The following CDH13 variants were observed in gnomAD, a reference collection of about 807,000 sequenced individuals.
CDH13 encodes cadherin-13.
Under a neutral mutation model 63.8 loss-of-function variants are expected in CDH13, and 24 were observed. The observed-to-expected ratio is 0.38, with a 90% confidence interval of 0.27 to 0.53. The LOEUF (loss-of-function observed/expected upper bound fraction) is 0.53, where lower values mean the gene tolerates loss of function less well. Ranked by LOEUF, CDH13 falls within the 20% of genes least tolerant of loss-of-function variation. The pLI is 0.85. For missense variants in CDH13, 1,049 were observed against 903.1 expected, an observed-to-expected ratio of 1.16 and a Z score of -2.07; for synonymous variants, 503 against 355.3, an observed-to-expected ratio of 1.42 and a Z score of -4.67.
At chr16:82,863,035 T>C (rs909021792) in intron 2 of CDH13, among the ~76,000 whole-genome samples, 1 of 152,224 alleles carries the variant, frequency 6.6e-6, no homozygotes, top group Admixed American at 6.5e-5. Context: ...GATCTAATCA[T>C]GTCGCCAACC....
At chr16:83,242,005 T>A (rs915751025) in intron 5 of CDH13, among the ~76,000 whole-genome samples, 1 of 152,184 alleles carries the variant, frequency 6.6e-6, no homozygotes, top group African/African-American at 2.4e-5. Flanking sequence ...TTTGAGCTGA[T>A]TTTTGTATAC....
At chr16:83,735,882 C>G (rs1188947011) in intron 10 of CDH13, 1 of 152,116 alleles carries the variant, frequency 6.6e-6, no homozygotes, top group Non-Finnish European at 1.5e-5. Flanking sequence ...GATGAGCAGT[C>G]CTTGTGGGTC....
chr16:83,590,259 TG>T (rs1465356231), intron 7 of CDH13, among the ~76,000 whole-genome samples: 3 of 152,164 alleles, frequency 2.0e-5, no homozygotes, highest in Admixed American at 6.5e-5. Flanking sequence ...ACCTGGAAGC[TG>T]TTGCATAAGT....
chr16:83,356,895 T>C (rs2091067791), intron 6 of CDH13, among the ~76,000 whole-genome samples: 1 of 152,244 alleles, frequency 6.6e-6, no homozygotes, highest in South Asian at 2.1e-4. Flanking sequence ...AGCTATTTTA[T>C]TATTCAGAAG....
At position 83,650,044 on chromosome 16, in the gene CDH13, T is replaced by A. The variant is rs75511588; in HGVS notation, c.1102-20746T>A. Among the ~76,000 whole-genome samples, 4 of 152,330 alleles carry A rather than the reference T, an allele frequency of 2.6e-5. No homozygotes were observed. The East Asian group carries it at 7.7e-4, about 29-fold the overall frequency. On this transcript the variant is annotated intron_variant, in intron 8 of 13. Transcript: ENST00000567109. ...GGTGTTTTAATTTTCTGAGGCCCAT[T>A]GAGACAGCCCCAAGGGTGACACAGC...
chr16:83,715,108 C>T (rs532891731), intron 10 of CDH13, among the ~76,000 whole-genome samples: 7 of 152,158 alleles, frequency 4.6e-5, no homozygotes, highest in Admixed American at 1.3e-4. Context: ...TGCCTTTGCT[C>T]ATAAATACCC....
intron 6 of CDH13, among the ~76,000 whole-genome samples, chr16:83,390,426 G>C (rs2151428380): frequency 6.6e-6 from 1 of 151,476 alleles, no homozygotes; most frequent in East Asian, 1.9e-4. Flanking sequence ...AACCTTATTG[G>C]ACACAGTATC....
intron 2 of CDH13, among the ~76,000 whole-genome samples, chr16:82,983,962 G>T (rs896528653): frequency 1.3e-5 from 2 of 152,182 alleles, no homozygotes; most frequent in Admixed American, 1.3e-4. Flanking sequence ...GGTAGCTGGA[G>T]GCATATCTGC....
intron 2 of CDH13, among the ~76,000 whole-genome samples, chr16:82,947,876 A>T (rs1307295769): frequency 6.6e-6 from 1 of 152,206 alleles, no homozygotes; most frequent in Non-Finnish European, 1.5e-5. Context: ...TGTCACAGGG[A>T]GTAATGAATT....
intron 1 of CDH13, among the ~76,000 whole-genome samples, chr16:82,691,979 C>G (rs940755825): frequency 5.3e-5 from 8 of 152,160 alleles, no homozygotes; most frequent in African/African-American, 1.4e-4. Flanking sequence ...TTAGGAAACA[C>G]TCATGTAAAG....
At chr16:83,560,086 C>G (rs1389199346) in intron 7 of CDH13, among the ~76,000 whole-genome samples, 1 of 152,090 alleles carries the variant, frequency 6.6e-6, no homozygotes, top group Non-Finnish European at 1.5e-5. Context: ...CCAGTGTCTC[C>G]TTAATTCTTT....
intron 1 of CDH13, among the ~76,000 whole-genome samples, chr16:82,780,953 G>A (rs898170308): frequency 6.6e-6 from 1 of 152,248 alleles, no homozygotes; most frequent in Non-Finnish European, 1.5e-5. Flanking sequence ...GGAAATCACT[G>A]TGACTTTGAA....
intron 3 of CDH13, among the ~76,000 whole-genome samples, chr16:83,064,732 T>C (rs1361270749): frequency 6.6e-6 from 1 of 152,172 alleles, no homozygotes; most frequent in Non-Finnish European, 1.5e-5. Flanking sequence ...TTATTTTTGA[T>C]TGGCAAGTCA....
intron 11 of CDH13, among the ~76,000 whole-genome samples, chr16:83,768,612 C>T (rs999925924): frequency 2.6e-5 from 4 of 152,170 alleles, no homozygotes; most frequent in South Asian, 4.1e-4. Context: ...GCTACGACAT[C>T]GAGCAGCCCC....
At chr16:82,897,976 T>A (rs1271744829) in intron 2 of CDH13, among the ~76,000 whole-genome samples, 1 of 152,220 alleles carries the variant, frequency 6.6e-6, no homozygotes, top group Non-Finnish European at 1.5e-5. Flanking sequence ...CACCGTCCAA[T>A]ACAGTAAGCC....
chr16:83,609,632 A>G (rs552906354), intron 8 of CDH13, among the ~76,000 whole-genome samples: 2 of 152,218 alleles, frequency 1.3e-5, no homozygotes, highest in Non-Finnish European at 2.9e-5. Flanking sequence ...TTGAGGCAGA[A>G]TGATGTCAGG....
At chr16:82,704,708 T>C (rs929833990) in intron 1 of CDH13, among the ~76,000 whole-genome samples, 2 of 152,182 alleles carry the variant, frequency 1.3e-5, no homozygotes, top group African/African-American at 4.8e-5. Flanking sequence ...GCTAAGGATA[T>C]GCCGTCAAAT....
At chr16:82,663,385 A>C (rs1360782434) in intron 1 of CDH13, among the ~76,000 whole-genome samples, 1 of 151,952 alleles carries the variant, frequency 6.6e-6, no homozygotes, top group African/African-American at 2.4e-5. Context: ...GGGTTTCTCC[A>C]TGTTGTTCAG....
At chr16:82,718,866 G>C (rs1360176655) in intron 1 of CDH13, among the ~76,000 whole-genome samples, 1 of 152,108 alleles carries the variant, frequency 6.6e-6, no homozygotes, top group Non-Finnish European at 1.5e-5. Flanking sequence ...AATTTGGATG[G>C]GGACACAGCT....
Sources: gnomAD v4.1 joint callset for allele counts (sites outside exome capture counted in the v4.1 genomes callset) on GRCh38, gnomAD v4.1.1 for gene constraint, MANE v1.5 for transcripts, NCBI Gene and HGNC (gene_info 2026-07-23, HGNC 2026-07-21) for gene names.